PTPRN2: variants seen among roughly 807,000 people sequenced by gnomAD.
PTPRN2 encodes receptor-type tyrosine-protein phosphatase N2.
In PTPRN2, 74 loss-of-function variants were observed where a neutral mutation model predicts 118.8. The ratio of observed to expected loss-of-function variants is 0.62; its 90% CI spans 0.52 to 0.76. The LOEUF (loss-of-function observed/expected upper bound fraction) is 0.76, where lower values mean the gene tolerates loss of function less well. PTPRN2 is among the 30% of genes least tolerant of loss of function. The pLI is 0.00. For missense variants in PTPRN2, 1,481 were observed against 1,394.4 expected, an observed-to-expected ratio of 1.06 and a Z score of -0.99; for synonymous variants, 641 against 608.0, an observed-to-expected ratio of 1.05 and a Z score of -0.80.
At chr7:157,686,067 G>A (rs370798512) in intron 12 of PTPRN2, among the ~76,000 whole-genome samples, 53 of 152,362 alleles carry the variant, frequency 3.5e-4, no homozygotes, top group African/African-American at 1.2e-3. Flanking sequence ...GCAGCGCCGG[G>A]GCTGAGGGCG....
chr7:157,977,623 T>C lies in PTPRN2; in HGVS notation c.1724-78886A>G, dbSNP rs1459317142. Among the ~76,000 whole-genome samples, 1 of 147,264 alleles carries C rather than the reference T, an allele frequency of 6.8e-6. No individual in the cohort carries two copies. The highest frequency in any genetic ancestry group is 1.5e-5 in the Non-Finnish European group (1 of 66,890). On this transcript the variant is annotated intron_variant, in intron 11 of 22. Transcript: ENST00000389418. The surrounding 1 kb of genome is among the most constrained non-coding windows in gnomAD (Gnocchi z 4.6). ...GGATGACGTGAGTGTGTTCATGGAG[T>C]AGTGTACAAGGCCCCAGGTGGGATG...
chr7:158,120,097 C>T (rs1389174162), intron 9 of PTPRN2, among the ~76,000 whole-genome samples: 1 of 152,086 alleles, frequency 6.6e-6, no homozygotes, highest in African/African-American at 2.4e-5. Context: ...ATAACCTGGG[C>T]ATAAAAGGAC....
At chr7:158,469,604 C>T (rs1283280281) in intron 2 of PTPRN2, among the ~76,000 whole-genome samples, 4 of 152,162 alleles carry the variant, frequency 2.6e-5, no homozygotes, top group South Asian at 2.1e-4. Flanking sequence ...CCAGCTCCAC[C>T]GAGCACTCGC....
chr7:157,620,295 C>T lies in PTPRN2; in HGVS notation c.2344+1067G>A, dbSNP rs1266866105. Among the ~76,000 whole-genome samples the T allele has an allele frequency of 2.6e-5, 4 of 152,166 alleles. 1 individual carries two copies. The highest frequency in any genetic ancestry group is 4.4e-5 in the Non-Finnish European group (3 of 68,044). On this transcript the variant is annotated intron_variant, in intron 15 of 22. Coordinates refer to ENST00000389418, the MANE Select transcript of PTPRN2 (RefSeq NM_002847.5). ...ACGCCAGCGCCGGGCAGTCCTTGCC[C>T]TCCTCATCTTGTAAGCAGCTTAGTG... is the stretch of plus-strand genomic sequence containing the variant.
At position 157,632,991 on chromosome 7, in the gene PTPRN2, A is replaced by G; in HGVS notation, c.2197-11482T>C. On this transcript the variant is annotated intron_variant, in intron 14 of 22. Transcript: ENST00000389418. The surrounding 1 kb of genome is among the most constrained non-coding windows in gnomAD (Gnocchi z 4.3). ...TGTCATTTCTGTCGGATTCCTGCCG[A>G]TGTTGTGGTGGTCTAGTCATCTGTC... Among the ~76,000 whole-genome samples the G allele has an allele frequency of 6.6e-6, 1 of 152,076 alleles. No homozygotes were observed. Among genetic ancestry groups the G allele is most frequent in the Non-Finnish European group, 1.5e-5 (1 of 68,022 alleles).
At chr7:157,734,914 AGTTGC>A (rs979604350) in intron 12 of PTPRN2, among the ~76,000 whole-genome samples, 4 of 152,326 alleles carry the variant, frequency 2.6e-5, no homozygotes, top group Admixed American at 2.6e-4. Context: ...GTGGGAGGCA[AGTTGC>A]TATGGAGGAA....
At position 158,391,988 on chromosome 7, in the gene PTPRN2, T is replaced by A. The variant is rs532836451; in HGVS notation, c.164-75056A>T. 6.6e-5 allele frequency among the ~76,000 whole-genome samples: 10 copies of A among 152,300 alleles called. 2 individuals carry two copies. Among genetic ancestry groups the A allele is most frequent in the African/African-American group, 2.2e-4 (9 of 41,558 alleles). The stretch of plus-strand genomic sequence containing the variant: ...TCCTCCACCAGGCCCCCAGGGTGGC[T>A]TCAGGAGGGACCGTTTGCAGGGCAG... On this transcript the variant is annotated intron_variant, in intron 2 of 22. Transcript: ENST00000389418.
intron 11 of PTPRN2, among the ~76,000 whole-genome samples, chr7:158,037,700 T>G (rs1322909363): frequency 6.6e-6 from 1 of 152,238 alleles, no homozygotes; most frequent in East Asian, 1.9e-4. Context: ...TTGTCCAAAC[T>G]AAACTATACA....
Position 157,990,595 on chromosome 7 carries a change from G to T in PTPRN2, c.1723+90703C>A, listed in dbSNP as rs1430961570. Among the ~76,000 whole-genome samples the T allele has an allele frequency of 6.6e-6, 1 of 152,182 alleles. No homozygotes were observed. The highest frequency in any genetic ancestry group is 1.5e-5 in the Non-Finnish European group (1 of 68,036). On this transcript the variant is annotated intron_variant, in intron 11 of 22. Coordinates refer to ENST00000389418, the MANE Select transcript of PTPRN2 (RefSeq NM_002847.5). This position sits in a 1 kb window ranked among gnomAD's most constrained non-coding sequence, Gnocchi z 4.3. ...AAGGGAGGAGACATCGGTGGATGGG[G>T]GAGCAGGGCAGGCTGGGGGTCAGGG...
chr7:158,301,946 T>A (rs1253197260), intron 3 of PTPRN2, among the ~76,000 whole-genome samples: 1 of 152,062 alleles, frequency 6.6e-6, no homozygotes, highest in Non-Finnish European at 1.5e-5. Context: ...TAAGAGCCTG[T>A]CTCAAAAAAA....
At chr7:158,499,397 A>G (rs1822190735) in intron 1 of PTPRN2, among the ~76,000 whole-genome samples, 1 of 152,238 alleles carries the variant, frequency 6.6e-6, no homozygotes, top group Non-Finnish European at 1.5e-5. Context: ...GGGTCAGCAC[A>G]TTATAAAAAT....
At chr7:158,272,809 C>T (rs889373135) in intron 3 of PTPRN2, among the ~76,000 whole-genome samples, 1 of 152,040 alleles carries the variant, frequency 6.6e-6, no homozygotes, top group Non-Finnish European at 1.5e-5. Context: ...GGGGAGGTGC[C>T]GCCGGCAGAA....
chr7:157,878,042 G>T (rs1312878341), intron 12 of PTPRN2, among the ~76,000 whole-genome samples: 1 of 152,262 alleles, frequency 6.6e-6, no homozygotes, highest in Non-Finnish European at 1.5e-5. Flanking sequence ...CGGTGTTCCG[G>T]CTCTCTGACT....
chr7:158,238,471 C>T (rs529739379), intron 3 of PTPRN2, among the ~76,000 whole-genome samples: 13 of 152,300 alleles, frequency 8.5e-5, no homozygotes, highest in African/African-American at 3.1e-4. Context: ...ACCTTTCTTC[C>T]GCCCTCAGCC....
chr7:157,967,100 G>T (rs957127885), intron 11 of PTPRN2, among the ~76,000 whole-genome samples: 3 of 152,204 alleles, frequency 2.0e-5, no homozygotes, highest in Admixed American at 6.5e-5. Context: ...CAGGAGGATT[G>T]CTTGAGACCA....
At chr7:157,982,480 G>T (rs1284524652) in intron 11 of PTPRN2, among the ~76,000 whole-genome samples, 3 of 133,212 alleles carry the variant, frequency 2.3e-5, no homozygotes, top group Non-Finnish European at 1.6e-5. Context: ...TCATAGAGAT[G>T]AGGAGGGGAA....
At chr7:157,628,891 T>C (rs1172971943) in intron 14 of PTPRN2, among the ~76,000 whole-genome samples, 2 of 152,190 alleles carry the variant, frequency 1.3e-5, no homozygotes, top group Admixed American at 6.5e-5. Flanking sequence ...TGTTCACTTC[T>C]TTTTTGAAGA....
intron 1 of PTPRN2, among the ~76,000 whole-genome samples, chr7:158,564,433 C>T (rs1031863959): frequency 1.3e-5 from 2 of 152,224 alleles, no homozygotes; most frequent in African/African-American, 2.4e-5. Flanking sequence ...ACCTCCATCA[C>T]CAGGACGTGA....
chr7:158,489,779 A>G lies in PTPRN2; in HGVS notation c.119T>C (p.Leu40Pro). ...GRQLPGRLGC[L>P]LEEGLCGASE... is the part of the protein sequence containing the mutation. ...CGCTCCGCAGAGGCCCTCCTCGAGC[A>G]GGCAGCCTGCGGGGAAACAGAGAAG... is the stretch of plus-strand genomic sequence containing the variant. Residue 40 changes from leucine (L) to proline (P), a missense_variant, in exon 2 of 23, where the codon CTG (leucine) becomes CCG (proline). Physicochemically the swap from Leu to Pro is moderately conservative, Grantham distance 98 (BLOSUM62 -3). Coordinates refer to ENST00000389418, the MANE Select transcript of PTPRN2 (RefSeq NM_002847.5). The G allele has an allele frequency of 1.9e-6, 3 of 1,578,498 alleles. No homozygotes were observed. Among genetic ancestry groups the G allele is most frequent in the Non-Finnish European group, 2.6e-6 (3 of 1,163,032 alleles).
Sources: gnomAD v4.1 joint callset for allele counts (sites outside exome capture counted in the v4.1 genomes callset) on GRCh38, gnomAD v4.1.1 for gene constraint, Gnocchi (gnomAD v3.1) non-coding constraint, MANE v1.5 for transcripts, NCBI Gene and HGNC (gene_info 2026-07-23, HGNC 2026-07-21) for gene names.